Variants in ANK3 observed in about 807,000 individuals in gnomAD.
ANK3 encodes ankyrin 3, also known as ankyrin-3.
ANK3 carries 57 observed loss-of-function variants against 370.9 expected under a neutral mutation model. The ratio of observed to expected loss-of-function variants is 0.15; its 90% CI spans 0.12 to 0.19. The LOEUF is 0.19. Among genes scored for constraint, ANK3 ranks in the 10% least tolerant of loss-of-function variants. The pLI is 1.00. For missense variants in ANK3, 4,439 were observed against 5,302.1 expected, an observed-to-expected ratio of 0.84 and a Z score of 5.06; for synonymous variants, 1,929 against 1,946.3, an observed-to-expected ratio of 0.99 and a Z score of 0.23.
intron 1 of ANK3, among the ~76,000 whole-genome samples, chr10:60,362,163 T>TATCC (rs1221530788): frequency 5.3e-5 from 8 of 152,208 alleles, no homozygotes; most frequent in Non-Finnish European, 1.0e-4. Context: ...AGTGTTCCAT[T>TATCC]ATCCATTTAA....
At position 60,263,874 on chromosome 10, in the gene ANK3, C is replaced by T; in HGVS notation, c.660G>A (p.Leu220=). Residue 220 remains leucine, a synonymous_variant, in exon 6 of 44, where the codon CTG becomes CTA. Transcript: ENST00000280772. ...CTGCATTGTTGTCATTCTGCAGCAG[C>T]AGGGCGGCGGCTTTCGTGTCGTCTT... is the stretch of plus-strand genomic sequence containing the variant. The part of the protein sequence containing the change: ...ARKDDTKAAA[L]LLQNDNNADV... 4 of 1,614,116 alleles carry T rather than the reference C, an allele frequency of 2.5e-6. No individual in the cohort carries two copies. The highest frequency in any genetic ancestry group is 3.4e-6 in the Non-Finnish European group (4 of 1,180,020).
chr10:60,204,233 G>T (rs746759195), intron 11 of ANK3, among the ~76,000 whole-genome samples: 36 of 152,156 alleles, frequency 2.4e-4, no homozygotes, highest in Non-Finnish European at 3.1e-4. Context: ...CATCAGCAGG[G>T]GGAGTAGTTA....
intron 7 of ANK3, among the ~76,000 whole-genome samples, chr10:60,257,338 C>T (rs1421414396): frequency 6.6e-6 from 1 of 152,100 alleles, no homozygotes; most frequent in African/African-American, 2.4e-5. Context: ...CCATACATGC[C>T]AAGTTCTTTC....
At chr10:60,568,741 C>T (rs1311228424) in intron 2 of ANK3, among the ~76,000 whole-genome samples, 2 of 152,022 alleles carry the variant, frequency 1.3e-5, no homozygotes, top group African/African-American at 4.8e-5. Context: ...CCTCAACCCC[C>T]CAAATTTATA....
chr10:60,204,755 TG>T (rs2096735524), intron 11 of ANK3, among the ~76,000 whole-genome samples: 1 of 152,020 alleles, frequency 6.6e-6, no homozygotes, highest in South Asian at 2.1e-4. Context: ...CTGGGGTTCT[TG>T]GGGGTGCCAC....
At chr10:60,488,476 A>G (rs2075406884) in intron 2 of ANK3, among the ~76,000 whole-genome samples, 1 of 152,180 alleles carries the variant, frequency 6.6e-6, no homozygotes, top group South Asian at 2.1e-4. Flanking sequence ...GTTTTAGTAT[A>G]TTTACAGAGT....
At chr10:60,583,613 C>A (rs7924180) in intron 2 of ANK3, among the ~76,000 whole-genome samples, 69,417 of 147,556 alleles carry the variant, frequency 0.47, 16,745 homozygotes, top group Non-Finnish European at 0.52. Context: ...AGTGCAGTGG[C>A]GCTCCAGTTC....
At chr10:60,154,025 G>A (rs1025303241) in intron 23 of ANK3, among the ~76,000 whole-genome samples, 1 of 152,122 alleles carries the variant, frequency 6.6e-6, no homozygotes, top group Non-Finnish European at 1.5e-5. Flanking sequence ...AGGTTCTTGC[G>A]ATAAAACAGA....
At chr10:60,448,960 C>G (rs2064524441) in intron 2 of ANK3, among the ~76,000 whole-genome samples, 1 of 152,176 alleles carries the variant, frequency 6.6e-6, no homozygotes, top group Middle Eastern at 3.2e-3. Context: ...GAAGCGCTGA[C>G]CTTTATCTCT....
intron 1 of ANK3, among the ~76,000 whole-genome samples, chr10:60,284,891 A>G (rs2098222063): frequency 6.6e-6 from 1 of 152,114 alleles, no homozygotes; most frequent in Non-Finnish European, 1.5e-5. Context: ...GCTACCTGTG[A>G]GCCATGTGAA....
chr10:60,036,571 G>T (rs1164526008), intron 43 of ANK3, among the ~76,000 whole-genome samples: 1 of 151,452 alleles, frequency 6.6e-6, no homozygotes, highest in East Asian at 2.0e-4. Context: ...AAGTACCTGG[G>T]ACTACAGGTG....
At chr10:60,196,701 C>CA (rs2096592380) in intron 14 of ANK3, 76 bp from the exon 15 acceptor site, 11 of 906,014 alleles carry the variant, frequency 1.2e-5, no homozygotes, top group Admixed American at 4.7e-5. Context: ...CCAAACCAAA[C>CA]AACAAACAAA....
intron 2 of ANK3, among the ~76,000 whole-genome samples, chr10:60,474,944 T>C (rs1038427259): frequency 2.0e-5 from 3 of 152,146 alleles, no homozygotes; most frequent in East Asian, 1.9e-4. Flanking sequence ...ATTTTTATAT[T>C]TTAAAATATC....
intron 1 of ANK3, among the ~76,000 whole-genome samples, chr10:60,325,837 C>CT (rs1295693546): frequency 6.6e-6 from 1 of 152,176 alleles, no homozygotes; most frequent in East Asian, 1.9e-4. Context: ...CACATACGTT[C>CT]TTTGCAGCAC....
chr10:60,679,065 T>C (rs1347748032), intron 1 of ANK3, among the ~76,000 whole-genome samples: 1 of 152,042 alleles, frequency 6.6e-6, no homozygotes, highest in East Asian at 1.9e-4. Context: ...CTCAGCCTGG[T>C]GAATAGTTAA....
chr10:60,218,328 T>C (rs887039455), intron 8 of ANK3, among the ~76,000 whole-genome samples: 7 of 152,210 alleles, frequency 4.6e-5, no homozygotes, highest in African/African-American at 1.2e-4. Flanking sequence ...GTCATCATGC[T>C]GCTATTTGGT....
chr10:60,526,037 C>T (rs535078019), intron 2 of ANK3, among the ~76,000 whole-genome samples: 15 of 152,042 alleles, frequency 9.9e-5, no homozygotes, highest in East Asian at 9.7e-4. Flanking sequence ...GTGAGCTAGC[C>T]CAGGTTTACA....
At chr10:60,374,099 GTATCCCTTGTGCTCCTAC>G (rs2060463120) in intron 1 of ANK3, among the ~76,000 whole-genome samples, 1 of 151,852 alleles carries the variant, frequency 6.6e-6, no homozygotes, top group Admixed American at 6.6e-5. Context: ...TGTGCTCCAA[GTATCCCTTGTGCTCCTAC>G]TGTGTCCTGC....
intron 1 of ANK3, among the ~76,000 whole-genome samples, chr10:60,373,819 T>C (rs1299340454): frequency 6.6e-6 from 1 of 152,130 alleles, no homozygotes; most frequent in East Asian, 1.9e-4. Context: ...GAAAGTGGAA[T>C]CCTGGGAAAC....
Sources: gnomAD v4.1 joint callset for allele counts (sites outside exome capture counted in the v4.1 genomes callset) on GRCh38, gnomAD v4.1.1 for gene constraint, MANE v1.5 for transcripts, NCBI Gene and HGNC (gene_info 2026-07-23, HGNC 2026-07-21) for gene names.